The following ZNF611 variants were observed in gnomAD, a reference collection of about 807,000 sequenced individuals.
ZNF611 encodes the protein zinc finger protein 611.
A neutral mutation model predicts 8.9 loss-of-function variants in ZNF611; 6 were observed. The observed-to-expected ratio is 0.68, with a 90% CI of 0.37 to 1.34. ZNF611 has a LOEUF of 1.34. ZNF611 is among the 40% of genes most tolerant of loss of function. The pLI, the probability that ZNF611 is intolerant of heterozygous loss-of-function variation, is 0.02. For missense variants in ZNF611, 874 were observed against 841.3 expected (o/e 1.04, Z -0.48); for synonymous variants, 262 against 279.7 (o/e 0.94, Z 0.63).
Position 52,705,544 on chromosome 19 carries a change from T to C in ZNF611, c.1511A>G (p.His504Arg). 6.2e-7 allele frequency: 1 copy of C among 1,614,168 alleles called. No individual in the cohort carries two copies. ...ACATTTGTAAGGTTGCTCCCCAGTATGAATTGACTTATGAATTAAAAGATC... is the reference window on the plus strand; with the variant it reads ...ACATTTGTAAGGTTGCTCCCCAGTACGAATTGACTTATGAATTAAAAGATC... ...NSDLLIHKSIHTGEQPYKCDE... is the reference protein window; with the variant it reads ...NSDLLIHKSIRTGEQPYKCDE... The change falls in exon 6 of 6, where the codon CAT (histidine) becomes CGT (arginine). Residue 504 changes from histidine (H) to arginine (R), a missense_variant. By Grantham distance (29) the His-to-Arg change is conservative. Transcript: ENST00000652185.
At chr19:52,721,271 G>T (rs891315995) in intron 3 of ZNF611, 29 of 165,682 alleles carry the variant, frequency 1.8e-4, no homozygotes, top group African/African-American at 6.7e-4. Context: ...TCACTTCCTA[G>T]ATGGGGTGGT....
intron 1 of ZNF611, among the ~76,000 whole-genome samples, chr19:52,731,461 C>T (rs548977838): frequency 3.9e-5 from 6 of 152,086 alleles, no homozygotes; most frequent in African/African-American, 1.4e-4. Context: ...ACGTCTGCCT[C>T]CCGGGTTCAA....
intron 5 of ZNF611, among the ~76,000 whole-genome samples, chr19:52,713,555 A>G (rs140050964): frequency 0.011 from 1,601 of 152,264 alleles, 28 homozygotes; most frequent in African/African-American, 0.034. Flanking sequence ...TGGGATGAAC[A>G]TTGTCACAGT....
At chr19:52,720,073 G>C (rs1427997970) in intron 3 of ZNF611, among the ~76,000 whole-genome samples, 1 of 152,216 alleles carries the variant, frequency 6.6e-6, no homozygotes, top group Non-Finnish European at 1.5e-5. Flanking sequence ...GTTTCAGAGA[G>C]CACGGGGTTG....
chr19:52,708,544 G>C (rs943988673), intron 5 of ZNF611: 2 of 151,108 alleles, frequency 1.3e-5, no homozygotes, highest in African/African-American at 4.9e-5. Context: ...TAAGAAATAA[G>C]AATTGGCTAA....
intron 1 of ZNF611, among the ~76,000 whole-genome samples, chr19:52,734,066 A>T (rs1407874133): frequency 1.4e-5 from 2 of 147,100 alleles, no homozygotes; most frequent in African/African-American, 5.0e-5. Flanking sequence ...TCTCTCCCTC[A>T]CTCTGATGAG....
Position 52,732,739 on chromosome 19 carries a change from T to C in ZNF611, c.-222+2262A>G, listed in dbSNP as rs147626137. Among the ~76,000 whole-genome samples, 1,470 of 150,858 alleles carry C rather than the reference T, an allele frequency of 9.7e-3. 25 individuals carry two copies. The highest frequency in any genetic ancestry group is 0.032 in the African/African-American group (1,328 of 41,094). On this transcript the variant is annotated intron_variant, in intron 1 of 5. Coordinates refer to ENST00000652185, the MANE Select transcript of ZNF611 (RefSeq NM_001161499.2). ...GCAGGAGGATCCTTTGAGCCCAGGA[T>C]TTTGAGACCAGCCTAGGAAACATAG... is the stretch of plus-strand genomic sequence containing the variant.
At position 52,702,860 on chromosome 19, in the gene ZNF611, C is replaced by T. The variant is rs145644168; in HGVS notation, c.*2077G>A. 10 of 152,230 alleles carry T rather than the reference C, an allele frequency of 6.6e-5. No homozygotes were observed. Among genetic ancestry groups the T allele is most frequent in the African/African-American group, 2.4e-4 (10 of 41,520 alleles). The allele number at this position is 152,230 out of a possible 1,614,324, so 9.4% of individuals were successfully genotyped here. A position where few individuals can be genotyped will look rare whatever the true frequency, so the allele number is the denominator to read the frequency against. ...GTTAAAAGGCCACTGACATATTTAC[C>T]AAGTACACACTGAAACAATCAAACT... On this transcript the variant is annotated 3_prime_UTR_variant, in exon 6 of 6. Coordinates refer to ENST00000652185, the MANE Select transcript of ZNF611 (RefSeq NM_001161499.2).
chr19:52,726,754 T>C (rs1172602405), intron 3 of ZNF611, among the ~76,000 whole-genome samples: 2 of 150,990 alleles, frequency 1.3e-5, no homozygotes, highest in East Asian at 2.0e-4. Context: ...TTAAACAAAA[T>C]TTTTCATGGT....
At chr19:52,715,230 G>A (rs888748465) in intron 4 of ZNF611, among the ~76,000 whole-genome samples, 3 of 152,008 alleles carry the variant, frequency 2.0e-5, no homozygotes. Flanking sequence ...GGCTGAGGTG[G>A]GCGGATCACA....
chr19:52,711,886 C>T (rs2062282598), intron 5 of ZNF611, among the ~76,000 whole-genome samples: 1 of 151,928 alleles, frequency 6.6e-6, no homozygotes, highest in Non-Finnish European at 1.5e-5. Flanking sequence ...AAAGGAAGGG[C>T]AAGGGTGGAC....
In ZNF611 at chr19:52,704,882, C is replaced by T; in HGVS notation, c.*55G>A. On this transcript the variant is annotated 3_prime_UTR_variant, in exon 6 of 6. Transcript: ENST00000652185. ...AGCTTTCTCTCCAGTATAAATTCTC[C>T]TATGTCTTTAAGGTGTGATTTCCAA... is the stretch of plus-strand genomic sequence containing the variant. The T allele has an allele frequency of 3.1e-6, 5 of 1,609,840 alleles. No homozygotes were observed. The highest frequency in any genetic ancestry group is 3.4e-6 in the Non-Finnish European group (4 of 1,177,972).
In ZNF611 at chr19:52,714,554, A is replaced by G. The variant is rs575031396; in HGVS notation, c.64-413T>C. Among the ~76,000 whole-genome samples the G allele has an allele frequency of 1.5e-3, 227 of 151,348 alleles. 1 individual carries two copies. Among genetic ancestry groups the G allele is most frequent in the Admixed American group, 2.8e-3 (43 of 15,128 alleles). On this transcript the variant is annotated intron_variant, in intron 4 of 5. Coordinates refer to ENST00000652185, the MANE Select transcript of ZNF611 (RefSeq NM_001161499.2). Reference sequence around the variant, plus strand: ...AATATAAAAATTAGCCGGGCATGGTAGAAGGCACCTGTAATCCCAGCTACA... The same window carrying G: ...AATATAAAAATTAGCCGGGCATGGTGGAAGGCACCTGTAATCCCAGCTACA...
rs1363603517 is a variant in ZNF611, at chr19:52,705,758, T to G, written c.1297A>C (p.Lys433Gln). The change falls in exon 6 of 6, where the codon AAG becomes CAG. Residue 433 changes from lysine (K) to glutamine (Q), a missense_variant. By Grantham distance (53) the Lys-to-Gln change is moderately conservative. Transcript: ENST00000652185. ...AGGGATGACTTGTGACTGAAGGTCT[T>G]GCCACACTCATTACATTTATAAGTT... The part of the protein sequence containing the change: ...KKTYKCNECG[K>Q]TFSHKSSLVC... 6.2e-7 allele frequency: 1 copy of G among 1,614,118 alleles called. No individual in the cohort carries two copies. Among genetic ancestry groups the G allele is most frequent in the Admixed American group, 1.7e-5 (1 of 60,026 alleles).
chr19:52,711,606 C>T (rs188035472), intron 5 of ZNF611, among the ~76,000 whole-genome samples: 168 of 151,862 alleles, frequency 1.1e-3, no homozygotes, highest in African/African-American at 4.0e-3. Context: ...GATACAAGGA[C>T]TGAGCTGGGA....
intron 5 of ZNF611, among the ~76,000 whole-genome samples, chr19:52,712,331 A>C (rs1239422865): frequency 6.6e-6 from 1 of 151,870 alleles, no homozygotes; most frequent in Non-Finnish European, 1.5e-5. Context: ...GTGAAAACAG[A>C]GCCAGGCTGA....
At chr19:52,731,709 G>A (rs1340411338) in intron 1 of ZNF611, among the ~76,000 whole-genome samples, 5 of 152,114 alleles carry the variant, frequency 3.3e-5, no homozygotes, top group East Asian at 4.0e-4. Flanking sequence ...GGTGGCTTAC[G>A]CCCGTAATCC....
At chr19:52,715,260 AG>A (rs1339071122) in intron 4 of ZNF611, among the ~76,000 whole-genome samples, 1 of 152,070 alleles carries the variant, frequency 6.6e-6, no homozygotes, top group African/African-American at 2.4e-5. Context: ...GTTCGAGACC[AG>A]CCTGGGAACA....
chr19:52,715,917 T>C lies in ZNF611; in HGVS notation c.-19-4A>G, dbSNP rs369432136. ...CATGAGTCTTTAGGAATCAATCCTG[T>C]ATGTGAAAAAAAATGAGACTTCATG... On this transcript the variant is annotated splice_region_variant and splice_polypyrimidine_tract_variant and intron_variant, in intron 3 of 5. Coordinates refer to ENST00000652185, the MANE Select transcript of ZNF611 (RefSeq NM_001161499.2). 2.2e-5 allele frequency: 36 copies of C among 1,610,720 alleles called. No homozygotes were observed. The highest frequency in any genetic ancestry group is 8.9e-5 in the East Asian group (4 of 44,860).
Sources: allele counts gnomAD v4.1 joint callset (sites outside exome capture counted in the v4.1 genomes callset), GRCh38; gene constraint gnomAD v4.1.1; transcripts MANE v1.5; gene names NCBI Gene and HGNC (gene_info 2026-07-23, HGNC 2026-07-21).